The following RAB40C variants were observed in gnomAD, a reference collection of about 807,000 sequenced individuals.
RAB40C encodes ras-related protein Rab-40C.
RAB40C carries 8 observed loss-of-function variants against 28.1 expected under a neutral mutation model. The ratio of observed to expected loss-of-function variants is 0.28; its 90% confidence interval spans 0.17 to 0.51. The LOEUF (loss-of-function observed/expected upper bound fraction) is 0.51. RAB40C is among the 20% of genes least tolerant of loss of function. The pLI is 0.97. For missense variants in RAB40C, 288 were observed against 405.9 expected (o/e 0.71, Z 2.50); for synonymous variants, 201 against 171.7 (o/e 1.17, Z -1.34).
Position 618,260 on chromosome 16 carries a change from G to A in RAB40C, c.264G>A (p.Gln88=), listed in dbSNP as rs1378868656. The change falls in exon 3 of 6, where the codon CAG becomes CAA. Residue 88 remains glutamine, a splice_region_variant and synonymous_variant. Transcript: ENST00000248139. ...TIFRSYSRGA[Q]GILLVYDITN... is the part of the protein sequence containing the mutation. ...TCAGGTCCTACTCCAGGGGCGCTCA[G>A]GTAAGACCAGCACCGCTCTTTCCAT... The A allele has an allele frequency of 6.2e-7, 1 of 1,612,560 alleles. No individual in the cohort carries two copies. The highest frequency in any genetic ancestry group is 8.5e-7 in the Non-Finnish European group (1 of 1,179,376).
In RAB40C at chr16:627,754, A is replaced by C; in HGVS notation, c.*132A>C. 1 of 1,175,296 alleles carries C rather than the reference A, an allele frequency of 8.5e-7. No homozygotes were observed. The highest frequency in any genetic ancestry group is 1.7e-5 in the South Asian group (1 of 58,108). 72.8% of individuals were successfully genotyped at this position (1,175,296 alleles called of 1,614,324 possible). A position where few individuals can be genotyped will look rare whatever the true frequency, so the allele number is the denominator to read the frequency against. ...GCCTCAGAAGCGCCGGGCTTTCCTC[A>C]CACCTGAGCCGGGTGCGAGGAGGAG... On this transcript the variant is annotated 3_prime_UTR_variant, in exon 6 of 6. Transcript: ENST00000248139.
In RAB40C at chr16:590,184, T is replaced by TG. The variant is rs911269292; in HGVS notation, c.-104dup. 19 of 825,334 alleles carry TG rather than the reference T, an allele frequency of 2.3e-5. No individual in the cohort carries two copies. The highest frequency in any genetic ancestry group is 1.6e-4 in the South Asian group (3 of 18,622). The allele number at this position is 825,334 out of a possible 1,614,324, so 51.1% of individuals were successfully genotyped here. On this transcript the variant is annotated 5_prime_UTR_variant, in exon 1 of 6. Transcript: ENST00000248139. Reference sequence around the variant, plus strand: ...TTCGGGCGCGCCCACTCGGCCGCCGTGGGGCGGACGCAACGGGCGCAGGTG... The same window carrying TG: ...TTCGGGCGCGCCCACTCGGCCGCCGTGGGGGCGGACGCAACGGGCGCAGGTG...
intron 2 of RAB40C, 33 bp downstream of exon 2, chr16:617,301 G>A: frequency 1.2e-6 from 2 of 1,612,276 alleles, no homozygotes; most frequent in South Asian, 2.2e-5. Flanking sequence ...CAGTTCCTGG[G>A]TGAGGACACA....
Position 610,170 on chromosome 16 carries a change from C to A in RAB40C, c.143-7038C>A, listed in dbSNP as rs376046748. On this transcript the variant is annotated intron_variant, in intron 1 of 5. Coordinates refer to ENST00000248139, the MANE Select transcript of RAB40C (RefSeq NM_021168.5). The surrounding 1 kb of genome is among the most constrained non-coding windows in gnomAD (Gnocchi z 4.6). The stretch of plus-strand genomic sequence containing the variant: ...TAGACAGAACCAGCAGCCGAGGCGC[C>A]GGTGGCTTTGCTCTGGTGGCAGGAC... 2.0e-5 allele frequency among the ~76,000 whole-genome samples: 3 copies of A among 152,148 alleles called. No homozygotes were observed. Among genetic ancestry groups the A allele is most frequent in the African/African-American group, 7.2e-5 (3 of 41,430 alleles).
intron 1 of RAB40C, among the ~76,000 whole-genome samples, chr16:596,718 T>A (rs2036134348): frequency 6.6e-6 from 1 of 152,088 alleles, no homozygotes; most frequent in South Asian, 2.1e-4. Context: ...GAGGAGCAGC[T>A]GTGGGAAGAA....
intron 1 of RAB40C, among the ~76,000 whole-genome samples, chr16:607,087 C>G (rs115498939): frequency 2.6e-4 from 40 of 152,234 alleles, no homozygotes; most frequent in Non-Finnish European, 4.0e-4. Context: ...AGCAGCCAGC[C>G]TCCCTCGGCT....
At chr16:598,074 G>A (rs530118768) in intron 1 of RAB40C, among the ~76,000 whole-genome samples, 16 of 150,772 alleles carry the variant, frequency 1.1e-4, no homozygotes, top group Admixed American at 2.6e-4. Context: ...ATGAAACCCC[G>A]TCTCTACTAA....
At chr16:607,954 C>G (rs550589349) in intron 1 of RAB40C, among the ~76,000 whole-genome samples, 100 of 152,246 alleles carry the variant, frequency 6.6e-4, no homozygotes, top group African/African-American at 2.3e-3. Context: ...TGTGAGACCC[C>G]CTCTGAAGGG....
chr16:606,770 A>T (rs1359572654), intron 1 of RAB40C, among the ~76,000 whole-genome samples: 1 of 152,146 alleles, frequency 6.6e-6, no homozygotes, highest in Non-Finnish European at 1.5e-5. Context: ...AGTCCCTCTC[A>T]TGCTTTGACT....
intron 3 of RAB40C, chr16:625,222 C>A: frequency 7.0e-7 from 1 of 1,435,786 alleles, no homozygotes; most frequent in South Asian, 1.3e-5. Flanking sequence ...GGCGCCCACC[C>A]CCCTGCTGCA....
At chr16:603,405 G>A (rs778642317) in intron 1 of RAB40C, among the ~76,000 whole-genome samples, 9 of 152,218 alleles carry the variant, frequency 5.9e-5, no homozygotes, top group Middle Eastern at 6.3e-3. Context: ...GAAGACATCC[G>A]AGGGGAGTGG....
At chr16:614,551 G>C (rs79106972) in intron 1 of RAB40C, among the ~76,000 whole-genome samples, 5 of 75,806 alleles carry the variant, frequency 6.6e-5, no homozygotes, top group East Asian at 4.2e-4. Context: ...CCTAAACCTC[G>C]TCCCGATGGT....
intron 1 of RAB40C, among the ~76,000 whole-genome samples, chr16:594,009 G>A (rs2036058569): frequency 1.3e-5 from 2 of 152,102 alleles, no homozygotes; most frequent in Non-Finnish European, 2.9e-5. Context: ...CAGGGTGTGG[G>A]CCAGGGTGGT....
chr16:617,611 G>A (rs903185361), intron 2 of RAB40C, among the ~76,000 whole-genome samples: 1 of 144,708 alleles, frequency 6.9e-6, no homozygotes, highest in African/African-American at 2.5e-5. Flanking sequence ...GGGAGGCCGA[G>A]GCAGGAGGAT....
At chr16:606,068 A>G (rs1319845667) in intron 1 of RAB40C, among the ~76,000 whole-genome samples, 1 of 152,266 alleles carries the variant, frequency 6.6e-6, no homozygotes, top group Non-Finnish European at 1.5e-5. Flanking sequence ...GCCGCAATAG[A>G]TGGCCTTTCT....
At chr16:592,414 T>G (rs1008319895) in intron 1 of RAB40C, among the ~76,000 whole-genome samples, 1 of 152,168 alleles carries the variant, frequency 6.6e-6, no homozygotes, top group Non-Finnish European at 1.5e-5. Context: ...TGCTCCTGGC[T>G]TCAGCCTGGA....
chr16:600,589 A>G (rs2036229457), intron 1 of RAB40C, among the ~76,000 whole-genome samples: 1 of 152,330 alleles, frequency 6.6e-6, no homozygotes. Flanking sequence ...CGTCTCTACT[A>G]AAAATTCAAA....
rs1029602516 is a variant in RAB40C at position 590,179 on chromosome 16, C to T, written c.-113C>T. The stretch of plus-strand genomic sequence containing the variant: ...TGGGCTTCGGGCGCGCCCACTCGGC[C>T]GCCGTGGGGCGGACGCAACGGGCGC... On this transcript the variant is annotated 5_prime_UTR_variant, in exon 1 of 6. Transcript: ENST00000248139. The T allele has an allele frequency of 3.8e-6, 3 of 788,182 alleles. No individual in the cohort carries two copies. In the African/African-American group the frequency reaches 5.7e-5, roughly 15 times the overall value. The allele number at this position is 788,182 out of a possible 1,614,324, so 48.8% of individuals were successfully genotyped here. A position where few individuals can be genotyped will look rare whatever the true frequency, so the allele number is the denominator to read the frequency against.
chr16:590,895 C>A (rs1408018183), intron 1 of RAB40C, among the ~76,000 whole-genome samples: 1 of 143,766 alleles, frequency 7.0e-6, no homozygotes, highest in African/African-American at 2.6e-5. Context: ...GGTGCAGGAT[C>A]TGGGGTCTGG....
Sources: allele counts gnomAD v4.1 joint callset (sites outside exome capture counted in the v4.1 genomes callset), GRCh38; gene constraint gnomAD v4.1.1; non-coding constraint Gnocchi (gnomAD v3.1); transcripts MANE v1.5; gene names NCBI Gene and HGNC (gene_info 2026-07-23, HGNC 2026-07-21).